GRIP1: variants seen among roughly 807,000 people sequenced by gnomAD.
GRIP1 encodes glutamate receptor interacting protein 1, also known as glutamate receptor-interacting protein 1.
Under a neutral mutation model 129.9 loss-of-function variants are expected in GRIP1, and 45 were observed. That is an observed-to-expected ratio of 0.35 (90% confidence interval 0.27 to 0.44). GRIP1 has a LOEUF of 0.44. Ranked by LOEUF, GRIP1 falls within the 20% of genes least tolerant of loss-of-function variation. The pLI is 1.00. For synonymous variants in GRIP1, 530 were observed against 520.8 expected (o/e 1.02, Z -0.24); for missense variants, 1,196 against 1,396.8 (o/e 0.86, Z 2.29).
At chr12:66,544,738 G>A (rs565055148) in intron 2 of GRIP1, among the ~76,000 whole-genome samples, 1 of 152,136 alleles carries the variant, frequency 6.6e-6, no homozygotes, top group South Asian at 2.1e-4. Context: ...GTTTCTGTAG[G>A]GGGTGGGAGA....
At chr12:67,052,443 G>C (rs1193941464) in intron 1 of GRIP1, among the ~76,000 whole-genome samples, 5 of 152,070 alleles carry the variant, frequency 3.3e-5, no homozygotes, top group Admixed American at 2.6e-4. Flanking sequence ...CTCTTGACAG[G>C]TATTTTTACA....
At chr12:66,468,467 A>G (rs2059347075) in intron 7 of GRIP1, among the ~76,000 whole-genome samples, 1 of 152,232 alleles carries the variant, frequency 6.6e-6, no homozygotes, top group Non-Finnish European at 1.5e-5. Context: ...GGACTGCGCC[A>G]ATGTATCTGT....
At chr12:66,882,996 G>A (rs532450340) in intron 1 of GRIP1, among the ~76,000 whole-genome samples, 3 of 152,208 alleles carry the variant, frequency 2.0e-5, no homozygotes, top group Admixed American at 2.0e-4. Flanking sequence ...AAACAAAACT[G>A]GGAGGAAAGG....
At chr12:66,849,494 A>G (rs2039874331) in intron 1 of GRIP1, among the ~76,000 whole-genome samples, 1 of 152,146 alleles carries the variant, frequency 6.6e-6, no homozygotes, top group Non-Finnish European at 1.5e-5. Flanking sequence ...TCATTCCTGT[A>G]ATCCAACCTA....
chr12:66,765,144 G>T (rs58110453), intron 1 of GRIP1, among the ~76,000 whole-genome samples: 5 of 151,742 alleles, frequency 3.3e-5, no homozygotes, highest in Admixed American at 1.3e-4. Context: ...ATCACATTTG[G>T]TCTTCCTCAA....
chr12:66,872,433 T>C (rs1048181213), intron 1 of GRIP1, among the ~76,000 whole-genome samples: 1 of 152,096 alleles, frequency 6.6e-6, no homozygotes, highest in Non-Finnish European at 1.5e-5. Context: ...CAACCCTCCC[T>C]GACAATTCTG....
intron 1 of GRIP1, among the ~76,000 whole-genome samples, chr12:66,696,249 C>A (rs1243176370): frequency 1.3e-5 from 2 of 152,050 alleles, no homozygotes; most frequent in Non-Finnish European, 2.9e-5. Context: ...ACAAGTCAAC[C>A]TATTCATTTC....
At chr12:66,859,431 A>G (rs765318301) in intron 1 of GRIP1, among the ~76,000 whole-genome samples, 20 of 152,014 alleles carry the variant, frequency 1.3e-4, no homozygotes, top group Non-Finnish European at 2.9e-4. Context: ...CTGCTTCTAA[A>G]CCATTATTCA....
intron 1 of GRIP1, among the ~76,000 whole-genome samples, chr12:66,695,580 G>A (rs2136329822): frequency 6.6e-6 from 1 of 152,296 alleles, no homozygotes; most frequent in Middle Eastern, 3.4e-3. Flanking sequence ...ATCCAAAACT[G>A]CTACAGTGTT....
intron 1 of GRIP1, among the ~76,000 whole-genome samples, chr12:66,960,356 C>T (rs910338633): frequency 6.6e-6 from 1 of 152,080 alleles, no homozygotes; most frequent in Non-Finnish European, 1.5e-5. Context: ...AATGCAAAAC[C>T]AACAGCACTT....
Position 66,866,835 on chromosome 12 carries a change from A to G in GRIP1, c.58+202215T>C, listed in dbSNP as rs77526706. 7.8e-3 allele frequency among the ~76,000 whole-genome samples: 1,194 copies of G among 152,308 alleles called. 14 individuals carry two copies. The highest frequency in any genetic ancestry group is 0.027 in the African/African-American group (1,137 of 41,558). ...GATGTAAAGTGTTCTCACCACAAAAACAATAATGTGATGTAATGCACATAT... is the reference window on the plus strand; with the variant it reads ...GATGTAAAGTGTTCTCACCACAAAAGCAATAATGTGATGTAATGCACATAT... On this transcript the variant is annotated intron_variant, in intron 1 of 1. Transcript: ENST00000643019.
Position 66,825,862 on chromosome 12 carries a change from G to C in GRIP1, c.59-228935C>G, listed in dbSNP as rs2039401537. Among the ~76,000 whole-genome samples, 2 of 152,146 alleles carry C rather than the reference G, an allele frequency of 1.3e-5. 1 individual carries two copies. Among genetic ancestry groups the C allele is most frequent in the South Asian group, 4.1e-4 (2 of 4,830 alleles). On this transcript the variant is annotated intron_variant, in intron 1 of 1. Transcript: ENST00000643019. The stretch of plus-strand genomic sequence containing the variant: ...TGGAATACTTTGACACTGTTGTTGG[G>C]AGTTAAATTAGTTCAACCGTTGTGG...
chr12:66,446,613 A>G (rs1420298252), intron 11 of GRIP1, among the ~76,000 whole-genome samples: 1 of 152,114 alleles, frequency 6.6e-6, no homozygotes, highest in Non-Finnish European at 1.5e-5. Context: ...CAAGCCCATA[A>G]TCTACTTTTT....
chr12:66,373,234 C>T (rs1271255227), intron 22 of GRIP1, among the ~76,000 whole-genome samples: 1 of 152,138 alleles, frequency 6.6e-6, no homozygotes, highest in African/African-American at 2.4e-5. Context: ...GGACTACAGG[C>T]ATGCGCCACC....
chr12:67,054,732 C>T (rs2043405710), intron 1 of GRIP1, among the ~76,000 whole-genome samples: 1 of 151,224 alleles, frequency 6.6e-6, no homozygotes, highest in Admixed American at 6.6e-5. Context: ...CCACTGCACT[C>T]CAGACTGGGT....
At chr12:66,801,049 T>C (rs2038842828) in intron 1 of GRIP1, among the ~76,000 whole-genome samples, 1 of 152,104 alleles carries the variant, frequency 6.6e-6, no homozygotes, top group Admixed American at 6.6e-5. Context: ...TCTTTTTGCC[T>C]TGAATACCAA....
intron 7 of GRIP1, among the ~76,000 whole-genome samples, chr12:66,511,025 C>A (rs1458745690): frequency 1.3e-5 from 2 of 152,124 alleles, no homozygotes; most frequent in African/African-American, 4.8e-5. Context: ...GTGTCCCCAT[C>A]CAAATCTCAT....
At chr12:66,857,223 T>C (rs529721996) in intron 1 of GRIP1, among the ~76,000 whole-genome samples, 1 of 101,220 alleles carries the variant, frequency 9.9e-6, no homozygotes, top group African/African-American at 4.0e-5. Flanking sequence ...GGGCCTGTTG[T>C]GGGGTGGGGG....
At chr12:66,727,866 A>C (rs1432153316) in intron 1 of GRIP1, among the ~76,000 whole-genome samples, 1 of 152,222 alleles carries the variant, frequency 6.6e-6, no homozygotes, top group Admixed American at 6.5e-5. Flanking sequence ...AGCTGCTGCT[A>C]TTCCAGCCTT....
Sources: gnomAD v4.1 joint callset for allele counts (sites outside exome capture counted in the v4.1 genomes callset) on GRCh38, gnomAD v4.1.1 for gene constraint, MANE v1.5 for transcripts, NCBI Gene and HGNC (gene_info 2026-07-23, HGNC 2026-07-21) for gene names.